Variants in ELAPOR2 observed in about 807,000 individuals in gnomAD.
ELAPOR2 encodes endosome-lysosome associated apoptosis and autophagy regulator family member 2, also known as endosome/lysosome-associated apoptosis and autophagy regulator family member 2.
ELAPOR2 carries 89 observed loss-of-function variants against 120.7 expected under a neutral mutation model. The observed-to-expected ratio is 0.74, with a 90% CI of 0.62 to 0.88. ELAPOR2 has a LOEUF of 0.88. ELAPOR2 is among the 40% of genes least tolerant of loss of function. The pLI, the probability that ELAPOR2 is intolerant of heterozygous loss-of-function variation, is 0.00. For missense variants in ELAPOR2, 1,134 were observed against 1,251.6 expected, an observed-to-expected ratio of 0.91 and a Z score of 1.42; for synonymous variants, 444 against 444.9, an observed-to-expected ratio of 1.00 and a Z score of 0.03.
intron 1 of ELAPOR2, among the ~76,000 whole-genome samples, chr7:87,043,321 T>C (rs531733179): frequency 2.0e-5 from 3 of 151,418 alleles, no homozygotes; most frequent in African/African-American, 7.3e-5. Context: ...AAGAGAATTT[T>C]AGACCAATAT....
chr7:87,021,942 G>A (rs369046860), intron 1 of ELAPOR2, among the ~76,000 whole-genome samples: 13 of 152,234 alleles, frequency 8.5e-5, no homozygotes, highest in African/African-American at 2.2e-4. Context: ...CCAGCTCAGA[G>A]TGTGATATAT....
chr7:86,969,731 A>G (rs1484559744), intron 1 of ELAPOR2, among the ~76,000 whole-genome samples: 1 of 152,194 alleles, frequency 6.6e-6, no homozygotes, highest in Admixed American at 6.6e-5. Context: ...ATTTCCAATA[A>G]AATTCCTTAA....
chr7:86,965,791 T>C (rs750362859), intron 1 of ELAPOR2: 1 of 983,620 alleles, frequency 1.0e-6, no homozygotes, highest in Middle Eastern at 5.2e-4. Context: ...CTACCCCAAA[T>C]TGTTTTCAGT....
chr7:86,954,702 C>A (rs1338287723), intron 2 of ELAPOR2, among the ~76,000 whole-genome samples: 2 of 152,018 alleles, frequency 1.3e-5, no homozygotes, highest in African/African-American at 4.8e-5. Flanking sequence ...AGTATAAATT[C>A]ATTGTAATCC....
At chr7:86,910,247 C>A (rs1396760067) in intron 15 of ELAPOR2, among the ~76,000 whole-genome samples, 1 of 152,088 alleles carries the variant, frequency 6.6e-6, no homozygotes, top group Non-Finnish European at 1.5e-5. Flanking sequence ...GACTATACTG[C>A]TCTTCCCAGT....
chr7:86,944,116 T>G (rs1456874938), intron 4 of ELAPOR2, among the ~76,000 whole-genome samples: 2 of 152,114 alleles, frequency 1.3e-5, no homozygotes, highest in Non-Finnish European at 2.9e-5. Context: ...AAATCTGGAC[T>G]GCAGAAACAT....
intron 21 of ELAPOR2, among the ~76,000 whole-genome samples, chr7:86,889,778 T>C (rs997986174): frequency 3.9e-5 from 6 of 152,024 alleles, no homozygotes; most frequent in African/African-American, 1.2e-4. Flanking sequence ...TCTGTTAAGA[T>C]TTTGAAAATT....
intron 1 of ELAPOR2, among the ~76,000 whole-genome samples, chr7:87,016,979 C>T (rs1376700111): frequency 1.3e-5 from 2 of 152,050 alleles, no homozygotes; most frequent in Non-Finnish European, 2.9e-5. Flanking sequence ...CTTTTAGATT[C>T]CTATCCTACT....
At chr7:86,965,975 C>T in intron 1 of ELAPOR2, 1 of 984,876 alleles carries the variant, frequency 1.0e-6, no homozygotes, top group Non-Finnish European at 1.2e-6. Context: ...CTGCATAGCA[C>T]ACTTTGCTAA....
At chr7:87,020,768 T>C (rs1049513829) in intron 1 of ELAPOR2, among the ~76,000 whole-genome samples, 5 of 152,094 alleles carry the variant, frequency 3.3e-5, no homozygotes, top group African/African-American at 9.7e-5. Flanking sequence ...TTAGCCTTAA[T>C]AATTTTTAAA....
At chr7:86,969,143 G>A (rs1263206322) in intron 1 of ELAPOR2, among the ~76,000 whole-genome samples, 1 of 152,024 alleles carries the variant, frequency 6.6e-6, no homozygotes, top group East Asian at 1.9e-4. Flanking sequence ...TCAAAGTACA[G>A]ATATGAATCC....
At chr7:86,980,991 T>C (rs1562953760) in intron 1 of ELAPOR2, among the ~76,000 whole-genome samples, 1 of 152,144 alleles carries the variant, frequency 6.6e-6, no homozygotes, top group Non-Finnish European at 1.5e-5. Context: ...TCAGGCTCCT[T>C]TGCACTACAG....
At chr7:86,886,751 C>A (rs186135989) in intron 21 of ELAPOR2, among the ~76,000 whole-genome samples, 28 of 152,226 alleles carry the variant, frequency 1.8e-4, no homozygotes, top group Admixed American at 1.4e-3. Flanking sequence ...AAAAATGTGG[C>A]AGCATACCCT....
At chr7:87,045,952 T>C (rs1794940431) in intron 1 of ELAPOR2, among the ~76,000 whole-genome samples, 1 of 151,492 alleles carries the variant, frequency 6.6e-6, no homozygotes, top group Non-Finnish European at 1.5e-5. Context: ...AAATCCTAGA[T>C]AGAGCAATCA....
At chr7:86,985,137 A>G (rs1411924780) in intron 1 of ELAPOR2, among the ~76,000 whole-genome samples, 1 of 152,248 alleles carries the variant, frequency 6.6e-6, no homozygotes, top group African/African-American at 2.4e-5. Flanking sequence ...AAAACCAGGA[A>G]GAAATTGAAA....
intron 1 of ELAPOR2, among the ~76,000 whole-genome samples, chr7:86,969,091 C>T (rs1792018281): frequency 1.3e-5 from 2 of 152,138 alleles, no homozygotes. Flanking sequence ...TGGCACACTA[C>T]ACAGGCACGA....
intron 1 of ELAPOR2, among the ~76,000 whole-genome samples, chr7:86,987,711 G>T (rs1284376810): frequency 6.6e-6 from 1 of 151,672 alleles, no homozygotes; most frequent in Non-Finnish European, 1.5e-5. Flanking sequence ...ATGCTGGAGA[G>T]GATGTGGAGA....
At chr7:86,952,421 G>A (rs2116414138) in intron 2 of ELAPOR2, among the ~76,000 whole-genome samples, 1 of 152,232 alleles carries the variant, frequency 6.6e-6, no homozygotes. Flanking sequence ...TCCAAAGGTG[G>A]GGCCTCAGAG....
intron 1 of ELAPOR2, among the ~76,000 whole-genome samples, chr7:87,057,719 G>A (rs1795307195): frequency 6.6e-6 from 1 of 152,074 alleles, no homozygotes; most frequent in Admixed American, 6.6e-5. Flanking sequence ...ACATGTGTAG[G>A]ACATGTGTTC....
Sources: gnomAD v4.1 joint callset for allele counts (sites outside exome capture counted in the v4.1 genomes callset) on GRCh38, gnomAD v4.1.1 for gene constraint, MANE v1.5 for transcripts, NCBI Gene and HGNC (gene_info 2026-07-23, HGNC 2026-07-21) for gene names.